Variants in PCNX2 observed in about 807,000 individuals in gnomAD.
PCNX2 encodes the protein pecanex-like protein 2.
PCNX2 carries 168 observed loss-of-function variants against 223.8 expected under a neutral mutation model. The observed-to-expected ratio is 0.75, with a 90% CI of 0.66 to 0.85. The LOEUF (loss-of-function observed/expected upper bound fraction) is 0.85. Among genes scored for constraint, PCNX2 ranks in the 40% least tolerant of loss-of-function variants. The pLI, the probability that PCNX2 is intolerant of heterozygous loss-of-function variation, is 0.00. For synonymous variants in PCNX2, 1,006 were observed against 1,052.6 expected (o/e 0.96, Z 0.86); for missense variants, 2,507 against 2,675.5 (o/e 0.94, Z 1.39).
intron 1 of PCNX2, among the ~76,000 whole-genome samples, chr1:233,276,593 C>T (rs1558417935): frequency 6.6e-6 from 1 of 152,154 alleles, no homozygotes; most frequent in Admixed American, 6.5e-5. Flanking sequence ...ACACTGGGTC[C>T]TGCTGTTTGA....
At chr1:233,134,449 T>C (rs1380824665) in intron 21 of PCNX2, among the ~76,000 whole-genome samples, 1 of 152,180 alleles carries the variant, frequency 6.6e-6, no homozygotes, top group South Asian at 2.1e-4. Flanking sequence ...AGATGAAATC[T>C]TGACTTCAGA....
chr1:233,058,564 G>T (rs1315139231), intron 23 of PCNX2: 1 of 151,868 alleles, frequency 6.6e-6, no homozygotes, highest in Admixed American at 6.6e-5. Flanking sequence ...CACACATAGG[G>T]TTTACTTAAG....
At chr1:233,267,189 T>C (rs1572177648) in intron 1 of PCNX2, among the ~76,000 whole-genome samples, 1 of 152,048 alleles carries the variant, frequency 6.6e-6, no homozygotes, top group Non-Finnish European at 1.5e-5. Flanking sequence ...TGGTGGTGCA[T>C]GCTTGAAATC....
intron 21 of PCNX2, among the ~76,000 whole-genome samples, chr1:233,106,427 G>T (rs939249162): frequency 7.0e-6 from 1 of 143,504 alleles, no homozygotes; most frequent in Non-Finnish European, 1.5e-5. Flanking sequence ...ATCTTGGCTC[G>T]CTGCAACCTC....
At chr1:233,004,591 G>A (rs182349408) in intron 28 of PCNX2, among the ~76,000 whole-genome samples, 2 of 152,206 alleles carry the variant, frequency 1.3e-5, no homozygotes, top group Admixed American at 6.5e-5. Flanking sequence ...TGACAGGGCC[G>A]GCCTGGGACA....
chr1:233,142,507 C>A (rs1677190457), intron 19 of PCNX2, among the ~76,000 whole-genome samples: 1 of 152,162 alleles, frequency 6.6e-6, no homozygotes, highest in Admixed American at 6.6e-5. Flanking sequence ...AGCTCTTTCC[C>A]AAGGCAAGTG....
chr1:233,052,874 C>T (rs570105033), intron 25 of PCNX2, among the ~76,000 whole-genome samples: 12 of 152,182 alleles, frequency 7.9e-5, no homozygotes, highest in East Asian at 7.8e-4. Flanking sequence ...TGCAGACACT[C>T]GATCTAGAAA....
At chr1:233,240,450 A>C (rs6659726) in intron 8 of PCNX2, among the ~76,000 whole-genome samples, 11,411 of 152,216 alleles carry the variant, frequency 0.075, 1,310 homozygotes, top group African/African-American at 0.25. Flanking sequence ...GAAAGCGTTA[A>C]GTTTCAAGAG....
chr1:233,305,482 A>G, the PCNX2 span, among the ~76,000 whole-genome samples: 1 of 152,106 alleles, frequency 6.6e-6, no homozygotes, highest in Admixed American at 6.6e-5. Flanking sequence ...GTCTCACTCC[A>G]TCACCCAGGC....
In PCNX2 at chr1:232,986,166, T is replaced by G. The variant is rs1669468869; in HGVS notation, c.6166A>C (p.Ser2056Arg). ...ACGCTGCTGGATGACTGGGTGTCAC[T>G]GGTATTGCCCCCCTCCGCAGCAGAG... is the stretch of plus-strand genomic sequence containing the variant. ...GLSAAEGGNT[S>R]DTQSSSSVNI... Residue 2056 changes from serine (S) to arginine (R), a missense_variant, in exon 33 of 34, where the codon AGT becomes CGT. By Grantham distance (110) the Ser-to-Arg change is moderately radical (BLOSUM62 -1). Transcript: ENST00000258229. 7 of 1,567,560 alleles carry G rather than the reference T, an allele frequency of 4.5e-6. No individual in the cohort carries two copies. The highest frequency in any genetic ancestry group is 6.1e-6 in the Non-Finnish European group (7 of 1,155,508).
At chr1:232,992,499 C>T (rs1669737158) in intron 32 of PCNX2, among the ~76,000 whole-genome samples, 1 of 152,178 alleles carries the variant, frequency 6.6e-6, no homozygotes, top group Non-Finnish European at 1.5e-5. Flanking sequence ...TTCAGTAATG[C>T]TTGTTTCCAT....
Position 232,984,443 on chromosome 1 carries a change from G to T in PCNX2, c.6275C>A (p.Thr2092Asn). ...LSEPCEPPDA[T>N]EQGQLHDRCL... ...TCGGTCATGAAGCTGCCCCTGCTCG[G>T]TGGCATCAGGGGGCTCACATGGCTC... Residue 2092 changes from threonine (T) to asparagine (N), a missense_variant, in exon 34 of 34, where the codon ACC becomes AAC. By Grantham distance (65) the Thr-to-Asn change is moderately conservative. Transcript: ENST00000258229. The T allele has an allele frequency of 6.2e-7, 1 of 1,613,668 alleles. No homozygotes were observed. The highest frequency in any genetic ancestry group is 8.5e-7 in the Non-Finnish European group (1 of 1,179,780).
At chr1:233,307,916 G>T in the PCNX2 span, among the ~76,000 whole-genome samples, 1 of 152,190 alleles carries the variant, frequency 6.6e-6, no homozygotes, top group African/African-American at 2.4e-5. Context: ...AAGCATGAAG[G>T]CCACATAACA....
At position 233,126,124 on chromosome 1, in the gene PCNX2, C is replaced by G. The variant is rs1180541904; in HGVS notation, c.3837+8889G>C. ...ACCCATGAGGCTGAGACAGGAGAAT[C>G]GCTGGAAGTTGGAAGGCAGAGGTTG... is the stretch of plus-strand genomic sequence containing the variant. On this transcript the variant is annotated intron_variant, in intron 21 of 33. Transcript: ENST00000258229. The surrounding 1 kb of genome is among the most constrained non-coding windows in gnomAD (Gnocchi z 4.8). 1 of 151,992 alleles carries G rather than the reference C, an allele frequency of 6.6e-6. No individual in the cohort carries two copies. The highest frequency in any genetic ancestry group is 2.4e-5 in the African/African-American group (1 of 41,326). 9.4% of individuals were successfully genotyped at this position (151,992 alleles called of 1,614,324 possible).
chr1:233,147,969 T>C (rs1005576830), intron 19 of PCNX2, among the ~76,000 whole-genome samples: 6 of 152,206 alleles, frequency 3.9e-5, no homozygotes, highest in Admixed American at 2.6e-4. Flanking sequence ...ATTATTTTTA[T>C]AGGAACAGGA....
At chr1:233,129,387 C>T (rs1182106317) in intron 21 of PCNX2, among the ~76,000 whole-genome samples, 2 of 152,322 alleles carry the variant, frequency 1.3e-5, no homozygotes, top group African/African-American at 4.8e-5. Flanking sequence ...CTAAGCTTCC[C>T]CCACCCCGCC....
At chr1:233,093,463 G>A (rs1453366186) in intron 22 of PCNX2, among the ~76,000 whole-genome samples, 1 of 152,178 alleles carries the variant, frequency 6.6e-6, no homozygotes, top group Non-Finnish European at 1.5e-5. Context: ...TCTTAATAGA[G>A]TGATAAAATA....
intron 1 of PCNX2, among the ~76,000 whole-genome samples, chr1:233,273,427 C>T (rs919622687): frequency 9.2e-5 from 14 of 152,036 alleles, no homozygotes; most frequent in African/African-American, 3.4e-4. Flanking sequence ...GCAGATTTTG[C>T]ATTCCTTCTC....
At chr1:233,273,414 C>G (rs75930038) in intron 1 of PCNX2, among the ~76,000 whole-genome samples, 13,506 of 151,988 alleles carry the variant, frequency 0.089, 721 homozygotes, top group South Asian at 0.17. Context: ...TCCATGCCCA[C>G]CTGCAGATTT....
Sources: allele counts gnomAD v4.1 joint callset (sites outside exome capture counted in the v4.1 genomes callset), GRCh38; gene constraint gnomAD v4.1.1; non-coding constraint Gnocchi (gnomAD v3.1); transcripts MANE v1.5; gene names NCBI Gene and HGNC (gene_info 2026-07-23, HGNC 2026-07-21).